Variants in CTNND2 observed in about 807,000 individuals in gnomAD.
The protein encoded by CTNND2 is catenin delta 2.
In CTNND2, 22 loss-of-function variants were observed where a neutral mutation model predicts 144.4. The observed-to-expected ratio is 0.15, with a 90% CI of 0.11 to 0.22. The LOEUF (loss-of-function observed/expected upper bound fraction) is 0.22. Among genes scored for constraint, CTNND2 ranks in the 10% least tolerant of loss-of-function variants. The pLI, the probability that CTNND2 is intolerant of heterozygous loss-of-function variation, is 1.00. For synonymous variants in CTNND2, 751 were observed against 695.6 expected (o/e 1.08, Z -1.25); for missense variants, 1,353 against 1,618.8 (o/e 0.84, Z 2.82).
At chr5:11,824,952 A>T (rs1793521695) in intron 1 of CTNND2, among the ~76,000 whole-genome samples, 1 of 152,140 alleles carries the variant, frequency 6.6e-6, no homozygotes, top group East Asian at 1.9e-4. Flanking sequence ...CCTGTAGTGA[A>T]CTGAGGATAA....
At chr5:11,294,184 A>G (rs1373408234) in intron 9 of CTNND2, among the ~76,000 whole-genome samples, 1 of 152,012 alleles carries the variant, frequency 6.6e-6, no homozygotes, top group African/African-American at 2.4e-5. Context: ...TCTCAAAAAA[A>G]AAAAAAAAAC....
chr5:11,109,751 T>C (rs1752770034), intron 14 of CTNND2, among the ~76,000 whole-genome samples: 1 of 152,204 alleles, frequency 6.6e-6, no homozygotes, highest in Non-Finnish European at 1.5e-5. Flanking sequence ...TTTGCAAAGA[T>C]TACAAATGTA....
At chr5:11,724,979 G>T (rs112088197) in intron 2 of CTNND2, among the ~76,000 whole-genome samples, 2,151 of 152,072 alleles carry the variant, frequency 0.014, 28 homozygotes, top group African/African-American at 0.023. Flanking sequence ...TGGCCCAGCT[G>T]CTTCCTGAGG....
intron 1 of CTNND2, among the ~76,000 whole-genome samples, chr5:11,775,623 C>G (rs1020678269): frequency 1.3e-5 from 2 of 152,172 alleles, no homozygotes; most frequent in African/African-American, 4.8e-5. Flanking sequence ...TCCTACAGAA[C>G]TCAGGGAGGA....
intron 1 of CTNND2, among the ~76,000 whole-genome samples, chr5:11,860,008 T>G (rs1795429286): frequency 6.6e-6 from 1 of 152,224 alleles, no homozygotes; most frequent in Non-Finnish European, 1.5e-5. Context: ...ATAATACAGT[T>G]GAATTGTTAC....
intron 9 of CTNND2, among the ~76,000 whole-genome samples, chr5:11,314,069 C>G (rs1751258061): frequency 6.6e-6 from 1 of 152,140 alleles, no homozygotes. Flanking sequence ...TAGGTGGGGA[C>G]ACAGAGTCAA....
chr5:11,605,694 G>C (rs1318714137), intron 2 of CTNND2, among the ~76,000 whole-genome samples: 2 of 152,108 alleles, frequency 1.3e-5, no homozygotes, highest in Non-Finnish European at 2.9e-5. Context: ...ATCACATAAG[G>C]GAACAGTGAG....
chr5:11,322,751 A>G, intron 9 of CTNND2, among the ~76,000 whole-genome samples: 1 of 152,208 alleles, frequency 6.6e-6, no homozygotes, highest in East Asian at 1.9e-4. Context: ...AATTTTTACA[A>G]AAGTATGGGC....
intron 9 of CTNND2, among the ~76,000 whole-genome samples, chr5:11,303,495 G>A (rs1372161977): frequency 6.6e-6 from 1 of 152,110 alleles, no homozygotes; most frequent in Non-Finnish European, 1.5e-5. Flanking sequence ...CTTTCACTGG[G>A]TTGCTGAGGC....
chr5:11,084,369 C>T (rs944193150), intron 15 of CTNND2, among the ~76,000 whole-genome samples: 34 of 152,276 alleles, frequency 2.2e-4, no homozygotes, highest in African/African-American at 8.2e-4. Flanking sequence ...ACACATCTGC[C>T]TCCCCTACTC....
intron 1 of CTNND2, among the ~76,000 whole-genome samples, chr5:11,882,359 T>C (rs1736184270): frequency 6.6e-6 from 1 of 152,126 alleles, no homozygotes; most frequent in Admixed American, 6.5e-5. Flanking sequence ...GCTTCAGGTA[T>C]TACAGTTAAG....
chr5:11,404,114 T>A (rs1478947129), intron 5 of CTNND2, among the ~76,000 whole-genome samples: 1 of 152,252 alleles, frequency 6.6e-6, no homozygotes, highest in African/African-American at 2.4e-5. Context: ...TTCCCAGAGC[T>A]GTCAGGGACA....
intron 3 of CTNND2, among the ~76,000 whole-genome samples, chr5:11,559,845 C>T (rs1010965104): frequency 3.9e-5 from 6 of 152,204 alleles, no homozygotes; most frequent in South Asian, 2.1e-4. Context: ...GGCCTTCTGA[C>T]GCCCAGTGCC....
rs552527062 is a variant in CTNND2 at position 11,599,279 on chromosome 5, CAT to C, written c.175-34225_175-34224del. 3.9e-5 allele frequency among the ~76,000 whole-genome samples: 6 copies of C among 152,148 alleles called. No individual in the cohort carries two copies. In the East Asian group the frequency reaches 9.7e-4, roughly 25 times the overall value. On this transcript the variant is annotated intron_variant, in intron 2 of 21. Coordinates refer to ENST00000304623, the MANE Select transcript of CTNND2 (RefSeq NM_001332.4). ...AATCTACTTAGGCAGTTCATGATAA[CAT>C]AGCAATATTTCCTGGAAAACTAAAA...
intron 2 of CTNND2, among the ~76,000 whole-genome samples, chr5:11,728,527 A>G (rs147323567): frequency 6.6e-6 from 1 of 152,270 alleles, no homozygotes; most frequent in Non-Finnish European, 1.5e-5. Flanking sequence ...TTACTTTCCT[A>G]TATTTTGTAC....
At chr5:10,987,391 A>C (rs1738115220) in intron 20 of CTNND2, among the ~76,000 whole-genome samples, 1 of 152,150 alleles carries the variant, frequency 6.6e-6, no homozygotes. Context: ...ACAGATACCC[A>C]CTGTACCAAT....
At chr5:11,636,162 T>C (rs954649198) in intron 2 of CTNND2, among the ~76,000 whole-genome samples, 6 of 151,984 alleles carry the variant, frequency 3.9e-5, no homozygotes, top group Non-Finnish European at 8.8e-5. Flanking sequence ...AGCTGTTTAT[T>C]TTGTATATTG....
intron 2 of CTNND2, among the ~76,000 whole-genome samples, chr5:11,712,835 G>T (rs558105671): frequency 2.6e-5 from 4 of 152,242 alleles, no homozygotes; most frequent in Non-Finnish European, 4.4e-5. Flanking sequence ...ATACTAGTTG[G>T]AGAAGATAAG....
At chr5:11,776,005 C>T (rs921622900) in intron 1 of CTNND2, among the ~76,000 whole-genome samples, 1 of 152,050 alleles carries the variant, frequency 6.6e-6, no homozygotes. Context: ...CTGGCAATCA[C>T]GAGAAGCTGG....
Sources: allele counts gnomAD v4.1 joint callset (sites outside exome capture counted in the v4.1 genomes callset), GRCh38; gene constraint gnomAD v4.1.1; transcripts MANE v1.5; gene names NCBI Gene and HGNC (gene_info 2026-07-23, HGNC 2026-07-21).